Variants in SPRY3 observed in about 807,000 individuals in gnomAD.
SPRY3 encodes sprouty RTK signaling antagonist 3.
In SPRY3, 15 loss-of-function variants were observed where a neutral mutation model predicts 20.2. The observed-to-expected ratio is 0.74, with a 90% confidence interval of 0.50 to 1.14. The LOEUF is 1.14. Ranked by LOEUF, SPRY3 falls within the 50% of genes most tolerant of loss-of-function variation. SPRY3 has a pLI of 0.00. For synonymous variants in SPRY3, 143 were observed against 136.5 expected (o/e 1.05, Z -0.33); for missense variants, 364 against 363.9 (o/e 1.00, Z 0.00).
chrX:155,715,799 G>A (rs1386233178), intron 2 of SPRY3, among the ~76,000 whole-genome samples: 1 of 152,142 alleles, frequency 6.6e-6, no homozygotes, highest in African/African-American at 2.4e-5. Flanking sequence ...CCATGCACAG[G>A]TGCTGGCTGA....
chrX:155,728,473 C>T (rs1221165408), intron 2 of SPRY3, among the ~76,000 whole-genome samples: 3 of 152,216 alleles, frequency 2.0e-5, no homozygotes, highest in South Asian at 2.1e-4. Flanking sequence ...CTGCCCAGTT[C>T]GAACTTCCCA....
chrX:155,709,075 G>A (rs1280214108), intron 2 of SPRY3, among the ~76,000 whole-genome samples: 1 of 151,548 alleles, frequency 6.6e-6, no homozygotes, highest in Non-Finnish European at 1.5e-5. Flanking sequence ...ATCAGTTGAG[G>A]GACACTTAGG....
At chrX:155,741,731 C>T (rs2091205337) in intron 2 of SPRY3, among the ~76,000 whole-genome samples, 2 of 151,716 alleles carry the variant, frequency 1.3e-5, no homozygotes, top group Admixed American at 6.6e-5. Context: ...CAACCCAGAA[C>T]ATCTGGCCAA....
intron 1 of SPRY3, among the ~76,000 whole-genome samples, chrX:155,622,031 C>T (rs187428787): frequency 9.0e-6 from 1 of 111,373 alleles, no homozygotes; most frequent in Non-Finnish European, 1.9e-5. Context: ...AGGGCCACCT[C>T]CTGTACAGGC....
intron 2 of SPRY3, among the ~76,000 whole-genome samples, chrX:155,708,505 C>G (rs1362999993): frequency 6.6e-6 from 1 of 151,228 alleles, no homozygotes; most frequent in Non-Finnish European, 1.5e-5. Context: ...TTGTATTTAT[C>G]TTATATGGCA....
exon 2 of SPRY3, chrX:155,782,091 C>A (rs2091466342): frequency 6.0e-6 from 1 of 166,846 alleles, no homozygotes; most frequent in Non-Finnish European, 1.5e-5. Flanking sequence ...CAAGGCTGGT[C>A]CTGGTTGAAG....
At chrX:155,764,039 G>T (rs934284608) in intron 2 of SPRY3, among the ~76,000 whole-genome samples, 1 of 152,102 alleles carries the variant, frequency 6.6e-6, no homozygotes, top group Non-Finnish European at 1.5e-5. Flanking sequence ...GTCCTTCAAG[G>T]TTACTTATTT....
At chrX:155,721,074 T>C (rs1473711930) in intron 2 of SPRY3, among the ~76,000 whole-genome samples, 1 of 152,158 alleles carries the variant, frequency 6.6e-6, no homozygotes, top group Non-Finnish European at 1.5e-5. Flanking sequence ...TTATATCAGA[T>C]AAACTTAACA....
exon 4 of SPRY3, chrX:155,774,352 G>A (rs35474915): frequency 0.014 from 22,136 of 1,613,998 alleles, 202 homozygotes; most frequent in Non-Finnish European, 0.016. Context: ...CTGCACAGCA[G>A]CTCGCCCTCT....
At chrX:155,712,135 T>C in intron 2 of SPRY3, among the ~76,000 whole-genome samples, 1 of 152,056 alleles carries the variant, frequency 6.6e-6, no homozygotes, top group Non-Finnish European at 1.5e-5. Context: ...TGTGAATGAT[T>C]TATGTTTTGA....
intron 2 of SPRY3, among the ~76,000 whole-genome samples, chrX:155,718,441 G>T (rs1021531463): frequency 6.6e-6 from 1 of 151,978 alleles, no homozygotes; most frequent in Non-Finnish European, 1.5e-5. Flanking sequence ...GAAAACATAT[G>T]AGCCTGACAC....
intron 2 of SPRY3, among the ~76,000 whole-genome samples, chrX:155,745,381 A>G (rs1322927856): frequency 6.6e-6 from 1 of 152,094 alleles, no homozygotes; most frequent in African/African-American, 2.4e-5. Flanking sequence ...TACAAGGATC[A>G]TCATGAAGTG....
At chrX:155,750,001 G>C (rs2091252914) in intron 2 of SPRY3, among the ~76,000 whole-genome samples, 1 of 151,796 alleles carries the variant, frequency 6.6e-6, no homozygotes, top group African/African-American at 2.4e-5. Flanking sequence ...AACAATAGAA[G>C]AGGACCAAGG....
intron 2 of SPRY3, among the ~76,000 whole-genome samples, chrX:155,737,096 G>T (rs910772457): frequency 2.0e-5 from 3 of 151,914 alleles, no homozygotes; most frequent in South Asian, 2.1e-4. Flanking sequence ...GTCTATTTTT[G>T]AATGTTGTTC....
intron 2 of SPRY3, among the ~76,000 whole-genome samples, chrX:155,672,586 G>A (rs1223325120): frequency 9.1e-6 from 1 of 109,760 alleles, no homozygotes; most frequent in African/African-American, 3.3e-5. Flanking sequence ...AGAGGATGTG[G>A]AGAAATAGGA....
At chrX:155,709,575 AT>A (rs2090973016) in intron 2 of SPRY3, among the ~76,000 whole-genome samples, 1 of 151,764 alleles carries the variant, frequency 6.6e-6, no homozygotes, top group Non-Finnish European at 1.5e-5. Flanking sequence ...TCCTTGTCAG[AT>A]GAGTAGTTTG....
chrX:155,730,809 G>A (rs943313481), intron 2 of SPRY3, among the ~76,000 whole-genome samples: 3 of 152,008 alleles, frequency 2.0e-5, no homozygotes, highest in Admixed American at 6.6e-5. Context: ...AACAAATTCA[G>A]TAACATTGCA....
intron 1 of SPRY3, among the ~76,000 whole-genome samples, chrX:155,617,186 C>A (rs1300988713): frequency 9.3e-6 from 1 of 107,660 alleles, no homozygotes; most frequent in African/African-American, 3.4e-5. Context: ...GGAATTATTT[C>A]TCTAAATTAA....
intron 3 of SPRY3, among the ~76,000 whole-genome samples, chrX:155,772,585 G>A (rs1440328246): frequency 1.3e-5 from 2 of 151,822 alleles, no homozygotes; most frequent in Non-Finnish European, 2.9e-5. Context: ...TTGTGTTTAG[G>A]TTTCTTCATG....
Sources: gnomAD v4.1 joint callset for allele counts (sites outside exome capture counted in the v4.1 genomes callset) on GRCh38, gnomAD v4.1.1 for gene constraint, MANE v1.5 for transcripts, NCBI Gene and HGNC (gene_info 2026-07-23, HGNC 2026-07-21) for gene names.